The following ZBTB7A variants were observed in gnomAD, a reference collection of about 807,000 sequenced individuals.
ZBTB7A encodes zinc finger and BTB domain containing 7A, also known as zinc finger and BTB domain-containing protein 7A.
Under a neutral mutation model 26.7 loss-of-function variants are expected in ZBTB7A, and 7 were observed. The ratio of observed to expected loss-of-function variants is 0.26; its 90% CI spans 0.15 to 0.49. The LOEUF is 0.49. ZBTB7A is among the 20% of genes least tolerant of loss of function. The pLI is 0.98. For missense variants in ZBTB7A, 617 were observed against 919.5 expected, an observed-to-expected ratio of 0.67 and a Z score of 4.25; for synonymous variants, 452 against 441.0, an observed-to-expected ratio of 1.02 and a Z score of -0.31.
intron 1 of ZBTB7A, among the ~76,000 whole-genome samples, chr19:4,066,109 C>T (rs1375229494): frequency 6.7e-6 from 1 of 150,368 alleles, no homozygotes; most frequent in African/African-American, 2.4e-5. Context: ...CTACGAAGCC[C>T]AGAGGTCCCT....
rs2040369086 is a variant in ZBTB7A at position 4,043,351 on chromosome 19, A to G, written c.*4401T>C. Among the ~76,000 whole-genome samples, 1 of 151,540 alleles carries G rather than the reference A, an allele frequency of 6.6e-6. No homozygotes were observed. On this transcript the variant is annotated 3_prime_UTR_variant, in exon 3 of 3. Coordinates refer to ENST00000322357, the MANE Select transcript of ZBTB7A (RefSeq NM_015898.4). Reference sequence around the variant, plus strand: ...GGTTCTTTTTTTTTTTTTATGTACAAGAAAAATGAATTTTTTTGTTTTTTC... The same window carrying G: ...GGTTCTTTTTTTTTTTTTATGTACAGGAAAAATGAATTTTTTTGTTTTTTC...
rs1330504566 is a variant in ZBTB7A, at chr19:4,054,713, G to C, written c.520C>G (p.Pro174Ala). 4.4e-6 allele frequency: 7 copies of C among 1,574,242 alleles called. No homozygotes were observed. The highest frequency in any genetic ancestry group is 4.7e-5 in the East Asian group (2 of 42,532). The part of the protein sequence containing the change: ...FQSNPMNSLP[P>A]AAAAAAASFP... ...CTGGCAGCGGCGGCGGCGGCCGCGG[G>C]GGGCAGGCTGTTCATGGGGTTGCTC... Residue 174 changes from proline to alanine, a missense_variant, in exon 2 of 3, where the codon CCC becomes GCC. This residue lies in a region of ZBTB7A where 331 missense variants were observed against 391.3 expected (regional missense o/e 0.85). Transcript: ENST00000322357.
At position 4,054,402 on chromosome 19, in the gene ZBTB7A, C is replaced by T. The variant is rs1361497779; in HGVS notation, c.831G>A (p.Glu277=). The change falls in exon 2 of 3, where the codon GAG becomes GAA. Residue 277 remains glutamate (E), a synonymous_variant. Transcript: ENST00000322357. ...TQNGHYGRGG[E]EEAASLSEAA... is the part of the protein sequence containing the mutation. ...CCTCCGACAGCGAGGCGGCCTCCTC[C>T]TCTCCGCCGCGGCCGTAGTGGCCGT... 5 of 1,392,032 alleles carry T rather than the reference C, an allele frequency of 3.6e-6. No homozygotes were observed. Among genetic ancestry groups the T allele is most frequent in the Non-Finnish European group, 4.6e-6 (5 of 1,084,864 alleles). The allele number at this position is 1,392,032 out of a possible 1,614,324, so 86.2% of individuals were successfully genotyped here.
chr19:4,066,348 C>A (rs185235214), intron 1 of ZBTB7A, among the ~76,000 whole-genome samples: 2 of 150,912 alleles, frequency 1.3e-5, no homozygotes, highest in Non-Finnish European at 3.0e-5. Context: ...GCCGGCTCCC[C>A]CCACCCTCAA....
rs771588443 is a variant in ZBTB7A, at chr19:4,055,025, C to T, written c.208G>A (p.Asp70Asn). ...KKLFTSGAVV[D>N]QQNVYEIDFV... ...TCGATCTCGTACACGTTCTGCTGGT[C>T]CACCACGGCGCCCGACGTGAACAGC... is the stretch of plus-strand genomic sequence containing the variant. The change falls in exon 2 of 3, where the codon GAC becomes AAC. Residue 70 changes from aspartate to asparagine, a missense_variant. Physicochemically the swap from Asp to Asn is conservative, Grantham distance 23. Around this residue, in one of 5 missense-constraint regions of ZBTB7A, gnomAD observed 82 missense variants for 195.2 expected, o/e 0.42. Transcript: ENST00000322357. The T allele has an allele frequency of 1.1e-5, 17 of 1,610,522 alleles. No individual in the cohort carries two copies. The highest frequency in any genetic ancestry group is 1.4e-5 in the Non-Finnish European group (17 of 1,178,740).
At position 4,046,156 on chromosome 19, in the gene ZBTB7A, AAG is replaced by A. The variant is rs1457771854; in HGVS notation, c.*1594_*1595del. ...AGACCTCTTCACGTCAGAACCAAAA[AAG>A]GGGACAGAAAGGGGGAGCGGGGGGA... On this transcript the variant is annotated 3_prime_UTR_variant, in exon 3 of 3. Transcript: ENST00000322357. 2 of 397,278 alleles carry A rather than the reference AAG, an allele frequency of 5.0e-6. No homozygotes were observed. The highest frequency in any genetic ancestry group is 7.2e-5 in the East Asian group (2 of 27,942). The allele number at this position is 397,278 out of a possible 1,614,324, so 24.6% of individuals were successfully genotyped here.
Position 4,048,334 on chromosome 19 carries a change from G to A in ZBTB7A, c.1263-90C>T. 1 of 1,426,450 alleles carries A rather than the reference G, an allele frequency of 7.0e-7. No individual in the cohort carries two copies. Among genetic ancestry groups the A allele is most frequent in the Admixed American group, 3.2e-5 (1 of 31,224 alleles). The allele number at this position is 1,426,450 out of a possible 1,614,324, so 88.4% of individuals were successfully genotyped here. On this transcript the variant is annotated intron_variant, in intron 2 of 2. Transcript: ENST00000322357. This position sits in a 1 kb window ranked among gnomAD's most constrained non-coding sequence, Gnocchi z 6.7. ...ACCCTCACGGACACGGCAGGCCCTGGATCATCACCCTTGCAGAACACGGAC... is the reference window on the plus strand; with the variant it reads ...ACCCTCACGGACACGGCAGGCCCTGAATCATCACCCTTGCAGAACACGGAC...
At chr19:4,060,342 G>A (rs2040626383) in intron 1 of ZBTB7A, among the ~76,000 whole-genome samples, 1 of 152,214 alleles carries the variant, frequency 6.6e-6, no homozygotes, top group Non-Finnish European at 1.5e-5. Context: ...GCAGCCTGCC[G>A]GTCCCACCTC....
At position 4,043,327 on chromosome 19, in the gene ZBTB7A, GTTCT is replaced by G. The variant is rs1347623767; in HGVS notation, c.*4421_*4424del. Among the ~76,000 whole-genome samples the G allele has an allele frequency of 6.7e-6, 1 of 150,334 alleles. No homozygotes were observed. Among genetic ancestry groups the G allele is most frequent in the Non-Finnish European group, 1.5e-5 (1 of 67,500 alleles). On this transcript the variant is annotated 3_prime_UTR_variant, in exon 3 of 3. Transcript: ENST00000322357. ...CGGTCGTAACAGGCTGCGTTTAGTG[GTTCT>G]TTTTTTTTTTTTATGTACAAGAAAA...
At chr19:4,049,336 A>G (rs2040472592) in intron 2 of ZBTB7A, among the ~76,000 whole-genome samples, 1 of 149,668 alleles carries the variant, frequency 6.7e-6, no homozygotes, top group African/African-American at 2.5e-5. Flanking sequence ...TGCGCCCGCC[A>G]TGAACCCCTT....
rs1156503903 is a variant in ZBTB7A at position 4,046,842 on chromosome 19, T to G, written c.*910A>C. ...GAGAAAAAAAAATCTAAAAAGTGCT[T>G]TAAAAATTTGGGAGAGGGGGCTCGG... On this transcript the variant is annotated 3_prime_UTR_variant, in exon 3 of 3. Coordinates refer to ENST00000322357, the MANE Select transcript of ZBTB7A (RefSeq NM_015898.4). 2 of 149,428 alleles carry G rather than the reference T, an allele frequency of 1.3e-5. No homozygotes were observed. The highest frequency in any genetic ancestry group is 2.5e-5 in the African/African-American group (1 of 40,566). The allele number at this position is 149,428 out of a possible 1,614,324, so 9.3% of individuals were successfully genotyped here. A position where few individuals can be genotyped will look rare whatever the true frequency, so the allele number is the denominator to read the frequency against.
At chr19:4,050,675 C>T (rs1453677895) in intron 2 of ZBTB7A, among the ~76,000 whole-genome samples, 1 of 152,150 alleles carries the variant, frequency 6.6e-6, no homozygotes, top group East Asian at 1.9e-4. Context: ...TAAAATGGCT[C>T]AATGAGGATC....
chr19:4,051,096 CAAAAAAAA>C (rs71166952), intron 2 of ZBTB7A, among the ~76,000 whole-genome samples: 9 of 42,426 alleles, frequency 2.1e-4, no homozygotes, highest in East Asian at 8.8e-4. Flanking sequence ...AGACTCGTCT[CAAAAAAAA>C]AAAAAAAAAA....
chr19:4,064,269 T>G (rs2040668182), intron 1 of ZBTB7A, among the ~76,000 whole-genome samples: 1 of 152,182 alleles, frequency 6.6e-6, no homozygotes, highest in South Asian at 2.1e-4. Flanking sequence ...AATTTCAGTG[T>G]CCCGGTTGGC....
intron 1 of ZBTB7A, among the ~76,000 whole-genome samples, chr19:4,060,676 G>A (rs1311029511): frequency 6.6e-6 from 1 of 152,214 alleles, no homozygotes; most frequent in East Asian, 1.9e-4. Flanking sequence ...ATCAGGAACT[G>A]AGGCCTGGAG....
rs1007675592 is a variant in ZBTB7A, at chr19:4,044,308, C to T, written c.*3444G>A. ...CCTGGCTGCAGGTCCACACCCATGC[C>T]AGGCCGGGCCTGCTCCGGCATTTTA... On this transcript the variant is annotated 3_prime_UTR_variant, in exon 3 of 3. Transcript: ENST00000322357. 2.0e-5 allele frequency: 3 copies of T among 151,998 alleles called. No homozygotes were observed. Among genetic ancestry groups the T allele is most frequent in the Non-Finnish European group, 4.4e-5 (3 of 67,998 alleles). 9.4% of individuals were successfully genotyped at this position (151,998 alleles called of 1,614,324 possible). A position where few individuals can be genotyped will look rare whatever the true frequency, so the allele number is the denominator to read the frequency against.
intron 1 of ZBTB7A, among the ~76,000 whole-genome samples, chr19:4,065,950 C>T (rs1025985803): frequency 7.0e-6 from 1 of 142,654 alleles, no homozygotes; most frequent in Non-Finnish European, 1.6e-5. Context: ...GCGCGATCGG[C>T]CCGCGCCCAT....
In ZBTB7A at chr19:4,053,528, C is replaced by T. The variant is rs76730288; in HGVS notation, c.1262+443G>A. 1.9e-3 allele frequency among the ~76,000 whole-genome samples: 269 copies of T among 143,426 alleles called. 1 individual carries two copies. Among genetic ancestry groups the T allele is most frequent in the African/African-American group, 6.7e-3 (254 of 38,194 alleles). 94.1% of individuals were successfully genotyped at this position (143,426 alleles called of 152,430 possible). On this transcript the variant is annotated intron_variant, in intron 2 of 2. Transcript: ENST00000322357. ...GTGTGCGTGTGTGCGTGCGTGCGTG[C>T]GTGCATGTGTATGTGATGTGTATGT...
In ZBTB7A at chr19:4,046,216, G is replaced by C. The variant is rs1335554493; in HGVS notation, c.*1536C>G. The C allele has an allele frequency of 5.0e-6, 2 of 396,862 alleles. No individual in the cohort carries two copies. The highest frequency in any genetic ancestry group is 1.4e-4 in the South Asian group (1 of 7,028). 24.6% of individuals were successfully genotyped at this position (396,862 alleles called of 1,614,324 possible). The stretch of plus-strand genomic sequence containing the variant: ...ACGAACACCCCACAGTCCTGCCTTC[G>C]AGGCTGACGTCTGGGGGTGAAGCAC... On this transcript the variant is annotated 3_prime_UTR_variant, in exon 3 of 3. Transcript: ENST00000322357.
Sources: allele counts gnomAD v4.1 joint callset (sites outside exome capture counted in the v4.1 genomes callset), GRCh38; gene constraint gnomAD v4.1.1; regional missense constraint gnomAD v4.1.1; non-coding constraint Gnocchi (gnomAD v3.1); transcripts MANE v1.5; gene names NCBI Gene and HGNC (gene_info 2026-07-23, HGNC 2026-07-21).